Variants in PCDH7 observed in about 807,000 individuals in gnomAD.
PCDH7 encodes protocadherin-7.
Under a neutral mutation model 58.9 loss-of-function variants are expected in PCDH7, and 17 were observed. That is an observed-to-expected ratio of 0.29 (90% CI 0.20 to 0.43). The LOEUF is 0.43. Among genes scored for constraint, PCDH7 ranks in the 20% least tolerant of loss-of-function variants. PCDH7 has a pLI of 1.00. For missense variants in PCDH7, 1,274 were observed against 1,441.0 expected, an observed-to-expected ratio of 0.88 and a Z score of 1.88; for synonymous variants, 664 against 616.4, an observed-to-expected ratio of 1.08 and a Z score of -1.14.
chr4:30,937,527 A>G (rs1401704048), intron 2 of PCDH7, among the ~76,000 whole-genome samples: 1 of 152,118 alleles, frequency 6.6e-6, no homozygotes, highest in African/African-American at 2.4e-5. Flanking sequence ...AACTTGCTCA[A>G]ACTTGCTTAA....
At chr4:31,042,933 C>T (rs1756001172) in intron 3 of PCDH7, among the ~76,000 whole-genome samples, 2 of 152,048 alleles carry the variant, frequency 1.3e-5, no homozygotes, top group South Asian at 4.2e-4. Context: ...GGGCCTTTTG[C>T]TGGTGCAGAG....
Position 30,723,681 on chromosome 4 carries a change from G to C in PCDH7, c.2259G>C (p.Leu753=). The stretch of plus-strand genomic sequence containing the variant: ...CCAAAAACATTTCCTACACTTTACT[G>C]CCACCTTCGAGTAATGTCAGGACAG... Residue 753 remains leucine, a synonymous_variant, in exon 1 of 2, where the codon CTG becomes CTC. Coordinates refer to ENST00000361762, the Ensembl canonical transcript of PCDH7. This position sits in a 1 kb window ranked among gnomAD's most constrained non-coding sequence, Gnocchi z 4.6. 6.2e-7 allele frequency: 1 copy of C among 1,614,106 alleles called. No individual in the cohort carries two copies. Among genetic ancestry groups the C allele is most frequent in the Non-Finnish European group, 8.5e-7 (1 of 1,180,014 alleles).
At chr4:30,791,451 A>C (rs1245736676) in intron 1 of PCDH7, among the ~76,000 whole-genome samples, 2 of 152,212 alleles carry the variant, frequency 1.3e-5, no homozygotes, top group East Asian at 3.9e-4. Flanking sequence ...AGAATTCAAT[A>C]AATGCCAGCA....
At chr4:31,095,756 T>A (rs965733861) in intron 3 of PCDH7, among the ~76,000 whole-genome samples, 2 of 152,136 alleles carry the variant, frequency 1.3e-5, no homozygotes, top group Non-Finnish European at 2.9e-5. Context: ...TAAGAAGTTC[T>A]ATTCACTACT....
At chr4:30,829,851 T>C (rs370273784) in intron 1 of PCDH7, among the ~76,000 whole-genome samples, 162 of 152,200 alleles carry the variant, frequency 1.1e-3, no homozygotes, top group African/African-American at 3.8e-3. Flanking sequence ...GAGTTGATGA[T>C]ATGTTGTTAT....
At chr4:30,963,879 T>C (rs773255332) in intron 3 of PCDH7, among the ~76,000 whole-genome samples, 8 of 152,212 alleles carry the variant, frequency 5.3e-5, no homozygotes, top group Non-Finnish European at 1.0e-4. Flanking sequence ...CTGATGGCTA[T>C]TGGCAGTCTC....
intron 1 of PCDH7, among the ~76,000 whole-genome samples, chr4:30,730,131 TAA>T (rs1198972699): frequency 6.6e-6 from 1 of 151,564 alleles, no homozygotes. Flanking sequence ...AATATATATA[TAA>T]CTTTAAATAT....
Position 30,940,638 on chromosome 4 carries a change from TC to T in PCDH7, c.288-9479del, listed in dbSNP as rs1745916414. ...ATATGGCTTATTCTCAAGTTTACCC[TC>T]CCTTCAACCAGGAAATGTATTACTT... On this transcript the variant is annotated intron_variant, in intron 2 of 3. Coordinates refer to the PCDH7 transcript ENST00000509759. Among the ~76,000 whole-genome samples, 3 of 151,924 alleles carry T rather than the reference TC, an allele frequency of 2.0e-5. No homozygotes were observed. In the South Asian group the frequency reaches 6.2e-4, roughly 31 times the overall value.
intron 1 of PCDH7, among the ~76,000 whole-genome samples, chr4:30,842,076 A>T (rs937204642): frequency 2.0e-5 from 3 of 152,146 alleles, no homozygotes; most frequent in Admixed American, 6.6e-5. Flanking sequence ...GGAGAATCTG[A>T]TGTGGAAAAC....
chr4:30,741,588 C>A (rs530470751), intron 1 of PCDH7, among the ~76,000 whole-genome samples: 1 of 152,286 alleles, frequency 6.6e-6, no homozygotes, highest in South Asian at 2.1e-4. Context: ...CAATCCCCTG[C>A]AGGTCCCAAT....
intron 2 of PCDH7, among the ~76,000 whole-genome samples, chr4:30,929,374 C>G (rs1440205624): frequency 3.3e-5 from 5 of 152,076 alleles, no homozygotes; most frequent in Non-Finnish European, 5.9e-5. Flanking sequence ...AATCTTGTCT[C>G]TGATAAATTT....
chr4:30,948,594 T>G (rs1463663241), intron 2 of PCDH7, among the ~76,000 whole-genome samples: 3 of 152,144 alleles, frequency 2.0e-5, no homozygotes, highest in African/African-American at 4.8e-5. Context: ...TTATAGAAAT[T>G]TATAGAATCC....
intron 3 of PCDH7, among the ~76,000 whole-genome samples, chr4:31,105,515 G>C (rs1715445095): frequency 6.6e-6 from 1 of 152,084 alleles, no homozygotes; most frequent in Non-Finnish European, 1.5e-5. Context: ...CCCTGGAGGT[G>C]CTTGCTCTAA....
chr4:30,847,598 A>T (rs1005750110), intron 1 of PCDH7, among the ~76,000 whole-genome samples: 2 of 152,202 alleles, frequency 1.3e-5, no homozygotes, highest in Non-Finnish European at 2.9e-5. Flanking sequence ...GAATTTTTTC[A>T]TACATAAGAT....
chr4:30,808,670 G>C (rs1336826921), intron 1 of PCDH7, among the ~76,000 whole-genome samples: 1 of 152,074 alleles, frequency 6.6e-6, no homozygotes, highest in Non-Finnish European at 1.5e-5. Flanking sequence ...ACAAATTGTA[G>C]AAATATAGGC....
chr4:30,996,815 CA>C (rs1473980557), intron 3 of PCDH7, among the ~76,000 whole-genome samples: 1 of 152,010 alleles, frequency 6.6e-6, no homozygotes, highest in South Asian at 2.1e-4. Context: ...TTCTTTTACA[CA>C]AAAAAGACTC....
chr4:30,797,290 T>C (rs958516264), intron 1 of PCDH7, among the ~76,000 whole-genome samples: 1 of 151,952 alleles, frequency 6.6e-6, no homozygotes, highest in African/African-American at 2.4e-5. Context: ...TTGGTTTTTT[T>C]GAGACGGAGT....
intron 3 of PCDH7, among the ~76,000 whole-genome samples, chr4:31,066,380 C>CA (rs1404894189): frequency 2.0e-5 from 3 of 151,630 alleles, no homozygotes; most frequent in African/African-American, 7.3e-5. Flanking sequence ...ACCCCTCCTT[C>CA]AAAAAAAGAC....
intron 3 of PCDH7, among the ~76,000 whole-genome samples, chr4:31,137,900 A>G (rs569718846): frequency 6.6e-6 from 1 of 152,342 alleles, no homozygotes; most frequent in Admixed American, 6.5e-5. Context: ...CAGCAAATGC[A>G]AAGATCCATG....
Sources: allele counts gnomAD v4.1 joint callset (sites outside exome capture counted in the v4.1 genomes callset), GRCh38; gene constraint gnomAD v4.1.1; non-coding constraint Gnocchi (gnomAD v3.1); transcripts MANE v1.5; gene names NCBI Gene and HGNC (gene_info 2026-07-23, HGNC 2026-07-21).